UNC13C: variants seen among roughly 807,000 people sequenced by gnomAD.
UNC13C encodes unc-13 homolog C, also known as protein unc-13 homolog C.
A neutral mutation model predicts 245.4 loss-of-function variants in UNC13C; 174 were observed. The ratio of observed to expected loss-of-function variants is 0.71; its 90% CI spans 0.63 to 0.80. The LOEUF is 0.80. UNC13C is among the 30% of genes least tolerant of loss of function. The pLI is 0.00. For synonymous variants in UNC13C, 992 were observed against 895.1 expected, an observed-to-expected ratio of 1.11 and a Z score of -1.93; for missense variants, 2,829 against 2,602.9, an observed-to-expected ratio of 1.09 and a Z score of -1.89.
At position 54,437,420 on chromosome 15, in the gene UNC13C, G is replaced by T. The variant is rs115986914; in HGVS notation, c.4933+22353G>T. ...TAAAACTTGTAACTCTCAAAACATT[G>T]GGGCTTCTTGGTAATATAATCTGAG... is the stretch of plus-strand genomic sequence containing the variant. On this transcript the variant is annotated intron_variant, in intron 19 of 32. Transcript: ENST00000260323. Among the ~76,000 whole-genome samples the T allele has an allele frequency of 7.8e-3, 1,182 of 151,908 alleles. 6 individuals are homozygous for T. Among genetic ancestry groups the T allele is most frequent in the African/African-American group, 0.027 (1,120 of 41,466 alleles).
intron 2 of UNC13C, among the ~76,000 whole-genome samples, chr15:54,075,958 AC>A (rs1438487030): frequency 2.0e-5 from 3 of 151,878 alleles, no homozygotes; most frequent in Non-Finnish European, 4.4e-5. Context: ...AGATGAGGTT[AC>A]TTAGTAATTT....
At chr15:54,228,826 G>C (rs2035468637) in intron 4 of UNC13C, among the ~76,000 whole-genome samples, 1 of 152,150 alleles carries the variant, frequency 6.6e-6, no homozygotes, top group African/African-American at 2.4e-5. Flanking sequence ...TGGGGTTGGG[G>C]AAATGGGTGG....
chr15:54,372,462 A>G (rs764540822), intron 17 of UNC13C, among the ~76,000 whole-genome samples: 7 of 152,212 alleles, frequency 4.6e-5, no homozygotes, highest in Admixed American at 3.3e-4. Context: ...CCAAGTTTAG[A>G]AAGAGAATAC....
At chr15:54,382,808 C>T (rs1385163833) in intron 17 of UNC13C, among the ~76,000 whole-genome samples, 3 of 151,854 alleles carry the variant, frequency 2.0e-5, no homozygotes, top group African/African-American at 7.3e-5. Context: ...AACTAGACTA[C>T]CCAAGAAAAA....
intron 19 of UNC13C, among the ~76,000 whole-genome samples, chr15:54,424,764 T>C (rs867397603): frequency 6.6e-6 from 1 of 151,818 alleles, no homozygotes. Context: ...GAGGAAGATA[T>C]AGGCTAGACC....
intron 2 of UNC13C, among the ~76,000 whole-genome samples, chr15:54,080,129 T>C (rs1359251226): frequency 2.0e-5 from 3 of 151,992 alleles, no homozygotes; most frequent in Non-Finnish European, 4.4e-5. Flanking sequence ...CACTTATTGA[T>C]TTACATATGT....
chr15:54,410,534 T>C (rs1387467063), intron 18 of UNC13C, among the ~76,000 whole-genome samples: 2 of 152,144 alleles, frequency 1.3e-5, no homozygotes, highest in African/African-American at 4.8e-5. Flanking sequence ...CTTGAGTTGA[T>C]TTTTGTATAT....
chr15:54,199,909 T>A (rs977494548), intron 4 of UNC13C, among the ~76,000 whole-genome samples: 1 of 152,106 alleles, frequency 6.6e-6, no homozygotes. Context: ...GCTGAATAGA[T>A]GAAAATTTAC....
the UNC13C span, among the ~76,000 whole-genome samples, chr15:53,959,834 C>A: frequency 6.6e-6 from 1 of 152,152 alleles, no homozygotes; most frequent in African/African-American, 2.4e-5. Context: ...ATTTATATTT[C>A]TTCATGGACT....
chr15:54,244,448 T>A (rs1487797400), intron 7 of UNC13C, among the ~76,000 whole-genome samples: 1 of 152,204 alleles, frequency 6.6e-6, no homozygotes, highest in East Asian at 1.9e-4. Context: ...TTGTCTTGGT[T>A]ATTCAGGCTC....
the UNC13C span, among the ~76,000 whole-genome samples, chr15:53,872,018 C>G: frequency 1.3e-5 from 2 of 152,166 alleles, no homozygotes; most frequent in Non-Finnish European, 2.9e-5. Flanking sequence ...TTCAGGAGAA[C>G]CTGCAGAGAG....
rs150575832 is a variant in UNC13C at position 54,516,730 on chromosome 15, G to A, written c.5457+4900G>A. Reference sequence around the variant, plus strand: ...CGGGAGAATCACTTGAACCCTAGAGGCGGAGGTTGCAGTGAGCAGAGATCG... The same window carrying A: ...CGGGAGAATCACTTGAACCCTAGAGACGGAGGTTGCAGTGAGCAGAGATCG... On this transcript the variant is annotated intron_variant, in intron 24 of 32. Coordinates refer to ENST00000260323, the MANE Select transcript of UNC13C (RefSeq NM_001080534.3). 2.4e-4 allele frequency among the ~76,000 whole-genome samples: 36 copies of A among 148,714 alleles called. No homozygotes were observed. In the East Asian group the frequency reaches 6.7e-3, roughly 28 times the overall value.
At chr15:53,994,160 G>A (rs1011488360) in intron 1 of UNC13C, among the ~76,000 whole-genome samples, 2 of 141,260 alleles carry the variant, frequency 1.4e-5, no homozygotes, top group African/African-American at 2.7e-5. Context: ...CAGAAGAGAC[G>A]TTACACGTAT....
chr15:54,263,319 G>A (rs1237906187), intron 8 of UNC13C, among the ~76,000 whole-genome samples: 5 of 152,070 alleles, frequency 3.3e-5, no homozygotes, highest in African/African-American at 1.2e-4. Flanking sequence ...AAGGAATTGT[G>A]GAAATTGAAA....
At chr15:54,203,755 C>T (rs987189142) in intron 4 of UNC13C, among the ~76,000 whole-genome samples, 1 of 99,760 alleles carries the variant, frequency 1.0e-5, no homozygotes, top group African/African-American at 3.1e-5. Flanking sequence ...TGTATATATA[C>T]ACATATATAT....
At chr15:54,242,385 C>T (rs1237971349) in intron 7 of UNC13C, among the ~76,000 whole-genome samples, 1 of 152,058 alleles carries the variant, frequency 6.6e-6, no homozygotes, top group Non-Finnish European at 1.5e-5. Context: ...TATATTTTTT[C>T]AGCAAGTTGT....
chr15:53,917,292 A>G, the UNC13C span, among the ~76,000 whole-genome samples: 1 of 152,228 alleles, frequency 6.6e-6, no homozygotes, highest in Non-Finnish European at 1.5e-5. Context: ...TGAAACCTGC[A>G]TCAGGAGTAG....
At chr15:54,239,006 G>A (rs1489365110) in intron 7 of UNC13C, among the ~76,000 whole-genome samples, 1 of 152,150 alleles carries the variant, frequency 6.6e-6, no homozygotes, top group Admixed American at 6.5e-5. Flanking sequence ...GGCATGTTCT[G>A]TTCCGGTAAA....
At chr15:54,219,274 G>A (rs1405496020) in intron 4 of UNC13C, among the ~76,000 whole-genome samples, 2 of 150,864 alleles carry the variant, frequency 1.3e-5, no homozygotes, top group Admixed American at 6.6e-5. Flanking sequence ...GAACAGAACA[G>A]AGCCCTCAGA....
Sources: gnomAD v4.1 joint callset for allele counts (sites outside exome capture counted in the v4.1 genomes callset) on GRCh38, gnomAD v4.1.1 for gene constraint, MANE v1.5 for transcripts, NCBI Gene and HGNC (gene_info 2026-07-23, HGNC 2026-07-21) for gene names.